MLLT10: variants seen among roughly 807,000 people sequenced by gnomAD.
The protein encoded by MLLT10 is MLLT10 histone lysine methyltransferase DOT1L cofactor, also known as protein AF-10.
A neutral mutation model predicts 129.1 loss-of-function variants in MLLT10; 30 were observed. The ratio of observed to expected loss-of-function variants is 0.23; its 90% CI spans 0.17 to 0.32. The LOEUF (loss-of-function observed/expected upper bound fraction) is 0.32. Ranked by LOEUF, MLLT10 falls within the 10% of genes least tolerant of loss-of-function variation. The pLI, the probability that MLLT10 is intolerant of heterozygous loss-of-function variation, is 1.00. For synonymous variants in MLLT10, 490 were observed against 446.4 expected, an observed-to-expected ratio of 1.10 and a Z score of -1.23; for missense variants, 1,119 against 1,268.3, an observed-to-expected ratio of 0.88 and a Z score of 1.79.
At chr10:21,701,669 C>G (rs920543595) in intron 13 of MLLT10, among the ~76,000 whole-genome samples, 1 of 152,136 alleles carries the variant, frequency 6.6e-6, no homozygotes, top group Non-Finnish European at 1.5e-5. Context: ...TCGCTGCAAC[C>G]TCTGCCTCCT....
At chr10:21,734,675 G>A (rs564482833) in intron 20 of MLLT10, among the ~76,000 whole-genome samples, 1 of 152,162 alleles carries the variant, frequency 6.6e-6, no homozygotes, top group Non-Finnish European at 1.5e-5. Flanking sequence ...GATTTGCAGT[G>A]GGTACTAGAA....
chr10:21,651,554 A>G, intron 8 of MLLT10, 119 bp from the exon 9 acceptor site: 1 of 638,024 alleles, frequency 1.6e-6, no homozygotes, highest in Non-Finnish European at 2.7e-6. Flanking sequence ...GATCAGAGGA[A>G]GTGATTTTTG....
At position 21,610,014 on chromosome 10, in the gene MLLT10, T is replaced by C. The variant is rs114380985; in HGVS notation, c.406-2334T>C. On this transcript the variant is annotated intron_variant, in intron 5 of 22. Transcript: ENST00000307729. ...CAGAGCTGCTGAATTCTTTGGTTCT[T>C]ACAGTCCCCTTAAGTGTACACCCTC... 9.2e-3 allele frequency among the ~76,000 whole-genome samples: 1,403 copies of C among 152,270 alleles called. 22 individuals are homozygous for C. Among genetic ancestry groups the C allele is most frequent in the African/African-American group, 0.031 (1,307 of 41,556 alleles).
chr10:21,640,399 A>G (rs1589382270), intron 8 of MLLT10, among the ~76,000 whole-genome samples: 1 of 150,710 alleles, frequency 6.6e-6, no homozygotes, highest in Middle Eastern at 3.5e-3. Flanking sequence ...ATAATATCAC[A>G]GAAGTCTATC....
intron 21 of MLLT10, among the ~76,000 whole-genome samples, chr10:21,738,739 T>A (rs1406799657): frequency 6.6e-6 from 1 of 152,188 alleles, no homozygotes; most frequent in African/African-American, 2.4e-5. Flanking sequence ...TTGAAACATT[T>A]CCTCCTCTTA....
intron 13 of MLLT10, among the ~76,000 whole-genome samples, chr10:21,689,722 A>T (rs909651841): frequency 6.7e-6 from 1 of 149,894 alleles, no homozygotes; most frequent in Non-Finnish European, 1.5e-5. Context: ...AAAAATAACA[A>T]CATTAGCTAT....
intron 15 of MLLT10, 38 bp from the exon 16 acceptor site, chr10:21,727,816 TGA>T (rs2057640355): frequency 6.6e-7 from 1 of 1,521,088 alleles, no homozygotes; most frequent in Non-Finnish European, 9.1e-7. Flanking sequence ...TCTTATCTAG[TGA>T]GAGTCACTTT....
chr10:21,535,028 C>G (rs1001145830), intron 2 of MLLT10, among the ~76,000 whole-genome samples: 2 of 149,294 alleles, frequency 1.3e-5, no homozygotes, highest in Non-Finnish European at 3.0e-5. Context: ...AAGTGTCATT[C>G]GGCCGCCGCC....
chr10:21,735,931 T>C (rs2058327233), intron 21 of MLLT10, among the ~76,000 whole-genome samples: 1 of 152,088 alleles, frequency 6.6e-6, no homozygotes, highest in South Asian at 2.1e-4. Flanking sequence ...TTTTTAAAAA[T>C]CTATTACGGA....
intron 3 of MLLT10, among the ~76,000 whole-genome samples, chr10:21,558,439 G>A (rs2038352531): frequency 1.3e-5 from 2 of 151,920 alleles, no homozygotes; most frequent in Non-Finnish European, 2.9e-5. Flanking sequence ...CTGGGTGACA[G>A]AGGAGACCCT....
chr10:21,552,013 A>G (rs2037132990), intron 3 of MLLT10: 1 of 247,072 alleles, frequency 4.0e-6, no homozygotes, highest in South Asian at 3.9e-5. Flanking sequence ...GCTGGTCTCG[A>G]GCTTCTGACC....
intron 16 of MLLT10, among the ~76,000 whole-genome samples, chr10:21,730,469 C>T (rs558929466): frequency 2.0e-5 from 3 of 151,826 alleles, no homozygotes; most frequent in African/African-American, 7.2e-5. Context: ...ATTCAAATAC[C>T]TTTTACAGTA....
intron 8 of MLLT10, among the ~76,000 whole-genome samples, chr10:21,637,982 C>G (rs185243194): frequency 6.6e-6 from 1 of 152,080 alleles, no homozygotes; most frequent in Non-Finnish European, 1.5e-5. Context: ...AGTCCTTTAT[C>G]GAAGCTGTGG....
chr10:21,705,059 T>C (rs2055363875), intron 13 of MLLT10, among the ~76,000 whole-genome samples: 1 of 152,156 alleles, frequency 6.6e-6, no homozygotes, highest in Non-Finnish European at 1.5e-5. Flanking sequence ...CTTCCTCAGA[T>C]GCCAGTAGTG....
Position 21,617,186 on chromosome 10 carries a change from ACAT to A in MLLT10, c.682_684del (p.His228del), listed in dbSNP as rs769209200. ...ATTCTTCCTCTCACTCTCAGGATAA[ACAT>A]CATGAGAAAGAGAAAAAAGTAAGTG... On this transcript the variant is annotated inframe_deletion, in exon 8 of 23. Coordinates refer to ENST00000307729, the MANE Select transcript of MLLT10 (RefSeq NM_001195626.3). 1.1e-5 allele frequency: 16 copies of A among 1,521,034 alleles called. No individual in the cohort carries two copies. The highest frequency in any genetic ancestry group is 5.6e-5 in the South Asian group (4 of 71,922). 94.2% of individuals were successfully genotyped at this position (1,521,034 alleles called of 1,614,324 possible).
At chr10:21,729,266 C>T (rs2057763499) in intron 16 of MLLT10, among the ~76,000 whole-genome samples, 1 of 151,660 alleles carries the variant, frequency 6.6e-6, no homozygotes, top group African/African-American at 2.4e-5. Context: ...TCTCTGTTGC[C>T]CTTTTAAACT....
chr10:21,622,262 A>T (rs1316673917), intron 8 of MLLT10, among the ~76,000 whole-genome samples: 1 of 139,342 alleles, frequency 7.2e-6, no homozygotes, highest in Non-Finnish European at 1.5e-5. Context: ...GGCTCAAGGG[A>T]TCCTCCTCCC....
At chr10:21,624,818 A>G in intron 8 of MLLT10, 1 of 1,074,546 alleles carries the variant, frequency 9.3e-7, no homozygotes, top group Non-Finnish European at 1.4e-6. Flanking sequence ...ATCCACGGGA[A>G]CCACGGCCAC....
intron 8 of MLLT10, among the ~76,000 whole-genome samples, chr10:21,643,378 C>G (rs2048197943): frequency 6.6e-6 from 1 of 152,142 alleles, no homozygotes; most frequent in Non-Finnish European, 1.5e-5. Context: ...CAGGTAGTGA[C>G]ATTCTCTTAT....
Sources: allele counts gnomAD v4.1 joint callset (sites outside exome capture counted in the v4.1 genomes callset), GRCh38; gene constraint gnomAD v4.1.1; transcripts MANE v1.5; gene names NCBI Gene and HGNC (gene_info 2026-07-23, HGNC 2026-07-21).